MITF: variants seen among roughly 807,000 people sequenced by gnomAD.
The protein encoded by MITF is melanocyte inducing transcription factor.
A neutral mutation model predicts 60.5 loss-of-function variants in MITF; 17 were observed. The ratio of observed to expected loss-of-function variants is 0.28; its 90% CI spans 0.19 to 0.42. The LOEUF (loss-of-function observed/expected upper bound fraction) is 0.42, where lower values mean the gene tolerates loss of function less well. Ranked by LOEUF, MITF falls within the 10% of genes least tolerant of loss-of-function variation. MITF has a pLI of 1.00. For synonymous variants in MITF, 260 were observed against 248.5 expected (o/e 1.05, Z -0.43); for missense variants, 622 against 683.5 (o/e 0.91, Z 1.00).
intron 1 of MITF, among the ~76,000 whole-genome samples, chr3:69,821,934 G>A (rs1008532201): frequency 2.0e-5 from 3 of 151,982 alleles, no homozygotes; most frequent in Admixed American, 1.3e-4. Flanking sequence ...GTAGAGATGG[G>A]GTTTCGCCAT....
intron 1 of MITF, among the ~76,000 whole-genome samples, chr3:69,864,470 C>T (rs771477833): frequency 2.6e-5 from 4 of 152,224 alleles, no homozygotes; most frequent in African/African-American, 4.8e-5. Context: ...TACGAGCAAT[C>T]TGCCCACTTT....
intron 1 of MITF, among the ~76,000 whole-genome samples, chr3:69,749,784 G>A (rs959609968): frequency 6.6e-6 from 1 of 152,198 alleles, no homozygotes; most frequent in African/African-American, 2.4e-5. Flanking sequence ...TAAACAACCA[G>A]TGTGTAGACT....
At chr3:69,757,182 A>G (rs1184792814) in intron 1 of MITF, among the ~76,000 whole-genome samples, 3 of 152,116 alleles carry the variant, frequency 2.0e-5, no homozygotes, top group Non-Finnish European at 4.4e-5. Flanking sequence ...TAGGAATGAG[A>G]TTACCAAGTT....
intron 2 of MITF, among the ~76,000 whole-genome samples, chr3:69,898,956 T>A (rs1430779360): frequency 6.6e-6 from 1 of 152,216 alleles, no homozygotes; most frequent in Non-Finnish European, 1.5e-5. Flanking sequence ...TCCTGGGGCT[T>A]ACTGTTAAGT....
intron 5 of MITF, among the ~76,000 whole-genome samples, chr3:69,947,609 TG>T (rs760750462): frequency 1.8e-4 from 28 of 152,136 alleles, no homozygotes; most frequent in Non-Finnish European, 4.1e-4. Flanking sequence ...TGCCTGTGTA[TG>T]GGGGTATGTG....
chr3:69,960,439 C>A (rs1339899513), intron 9 of MITF, among the ~76,000 whole-genome samples: 1 of 152,118 alleles, frequency 6.6e-6, no homozygotes, highest in African/African-American at 2.4e-5. Flanking sequence ...GTATCAACTC[C>A]TGGAACTTCT....
chr3:69,851,942 T>C (rs1261121930), intron 1 of MITF, among the ~76,000 whole-genome samples: 1 of 152,212 alleles, frequency 6.6e-6, no homozygotes, highest in African/African-American at 2.4e-5. Context: ...ATTGGTGAGC[T>C]GCTATAATGC....
chr3:69,778,007 C>T (rs2062502179), intron 1 of MITF, among the ~76,000 whole-genome samples: 1 of 151,944 alleles, frequency 6.6e-6, no homozygotes, highest in African/African-American at 2.4e-5. Context: ...CAAAGAAAAC[C>T]AATAAGGAGC....
chr3:69,759,851 C>T (rs1212063023), intron 1 of MITF, among the ~76,000 whole-genome samples: 1 of 152,166 alleles, frequency 6.6e-6, no homozygotes, highest in African/African-American at 2.4e-5. Flanking sequence ...GATCTCGGCT[C>T]ACTGCAAGCT....
At position 69,965,347 on chromosome 3, in the gene MITF, A is replaced by G; in HGVS notation, c.*99A>G. On this transcript the variant is annotated 3_prime_UTR_variant, in exon 10 of 10. Transcript: ENST00000352241. ...GGGTTTTCTTGATAATTTTCCTTTA[A>G]TATGAAATTTTTTTTCATGCTTTAT... 1.4e-6 allele frequency: 2 copies of G among 1,384,278 alleles called. No individual in the cohort carries two copies. Among genetic ancestry groups the G allele is most frequent in the South Asian group, 1.3e-5 (1 of 77,346 alleles). 85.7% of individuals were successfully genotyped at this position (1,384,278 alleles called of 1,614,324 possible).
chr3:69,893,839 C>A (rs774267775), intron 2 of MITF, among the ~76,000 whole-genome samples: 26 of 152,140 alleles, frequency 1.7e-4, no homozygotes, highest in Admixed American at 1.2e-3. Context: ...TAGTGAGATG[C>A]TTGGCCACAG....
chr3:69,813,324 C>A (rs1352604323), intron 1 of MITF, among the ~76,000 whole-genome samples: 1 of 152,180 alleles, frequency 6.6e-6, no homozygotes, highest in Non-Finnish European at 1.5e-5. Flanking sequence ...TTCCATTATG[C>A]ATTTACACCA....
chr3:69,866,401 T>A, intron 1 of MITF: 1 of 1,606,228 alleles, frequency 6.2e-7, no homozygotes, highest in Non-Finnish European at 8.5e-7. Flanking sequence ...AGGAGCAGTT[T>A]TTTTTCTCTT....
intron 1 of MITF, among the ~76,000 whole-genome samples, chr3:69,817,102 A>G (rs1180520984): frequency 6.6e-6 from 1 of 152,192 alleles, no homozygotes; most frequent in Non-Finnish European, 1.5e-5. Context: ...GTTTAGGGAT[A>G]CAAAGCTCCT....
At chr3:69,820,595 A>G (rs2063253675) in intron 1 of MITF, among the ~76,000 whole-genome samples, 1 of 152,132 alleles carries the variant, frequency 6.6e-6, no homozygotes. Context: ...TTCTTTTTGG[A>G]TTCTGATGGC....
intron 1 of MITF, among the ~76,000 whole-genome samples, chr3:69,760,345 T>A (rs1334957481): frequency 6.6e-6 from 1 of 152,120 alleles, no homozygotes; most frequent in Non-Finnish European, 1.5e-5. Flanking sequence ...GGGAGGGTTC[T>A]TGGCATTGCT....
At chr3:69,917,645 G>A (rs2065365814) in intron 2 of MITF, among the ~76,000 whole-genome samples, 1 of 152,000 alleles carries the variant, frequency 6.6e-6, no homozygotes, top group South Asian at 2.1e-4. Flanking sequence ...GTATTCCCTG[G>A]AATTGGGATC....
intron 2 of MITF, among the ~76,000 whole-genome samples, chr3:69,913,810 A>G (rs1001520462): frequency 2.0e-5 from 3 of 152,148 alleles, no homozygotes; most frequent in Non-Finnish European, 2.9e-5. Flanking sequence ...GGTGATGCCT[A>G]CTCAACCTTC....
chr3:69,746,870 C>A (rs546427054), intron 1 of MITF, among the ~76,000 whole-genome samples: 190 of 152,290 alleles, frequency 1.2e-3, no homozygotes, highest in African/African-American at 3.9e-3. Context: ...CGTTCTATTG[C>A]AAATGATCTT....
Sources: gnomAD v4.1 joint callset for allele counts (sites outside exome capture counted in the v4.1 genomes callset) on GRCh38, gnomAD v4.1.1 for gene constraint, MANE v1.5 for transcripts, NCBI Gene and HGNC (gene_info 2026-07-23, HGNC 2026-07-21) for gene names.